EREG: variants seen among roughly 807,000 people sequenced by gnomAD.
The protein encoded by EREG is epiregulin, also known as proepiregulin.
In EREG, 23 loss-of-function variants were observed where a neutral mutation model predicts 22.4. The ratio of observed to expected loss-of-function variants is 1.03; its 90% CI spans 0.74 to 1.46. The LOEUF is 1.46. EREG is among the 40% of genes most tolerant of loss of function. EREG has a pLI of 0.00. For synonymous variants in EREG, 100 were observed against 75.4 expected (o/e 1.33, Z -1.69); for missense variants, 226 against 205.9 (o/e 1.10, Z -0.60).
chr4:74,377,952 C>G (rs190175329), intron 1 of EREG, among the ~76,000 whole-genome samples: 52 of 152,220 alleles, frequency 3.4e-4, no homozygotes, highest in African/African-American at 1.3e-3. Context: ...GGACACAGAG[C>G]CAAACTATAT....
At position 74,377,158 on chromosome 4, in the gene EREG, GAA is replaced by G. The variant is rs57339854; in HGVS notation, c.68-2274_68-2273del. 8.8e-3 allele frequency among the ~76,000 whole-genome samples: 684 copies of G among 78,128 alleles called. 3 individuals carry two copies. The highest frequency in any genetic ancestry group is 0.021 in the African/African-American group (556 of 26,650). 51.3% of individuals were successfully genotyped at this position (78,128 alleles called of 152,430 possible). A position where few individuals can be genotyped will look rare whatever the true frequency, so the allele number is the denominator to read the frequency against. On this transcript the variant is annotated intron_variant, in intron 1 of 4. Coordinates refer to ENST00000244869, the MANE Select transcript of EREG (RefSeq NM_001432.3). Reference sequence around the variant, plus strand: ...TTTATGGGCTGTGACAGCCATTTCAGAAAAAAAAAAAAAAAAACATTAGTTTA... The same window carrying G: ...TTTATGGGCTGTGACAGCCATTTCAGAAAAAAAAAAAAAAACATTAGTTTA...
chr4:74,374,584 A>G (rs1419973817), intron 1 of EREG, among the ~76,000 whole-genome samples: 3 of 152,210 alleles, frequency 2.0e-5, no homozygotes, highest in Admixed American at 6.5e-5. Context: ...AATAAACCGT[A>G]TGCAATAGGA....
At chr4:74,382,844 A>C in intron 4 of EREG, 50 bp downstream of exon 4, 1 of 1,375,198 alleles carries the variant, frequency 7.3e-7, no homozygotes, top group Non-Finnish European at 1.0e-6. Flanking sequence ...CTTTTACATA[A>C]TGCAGACCTA....
chr4:74,378,447 A>C (rs1446554314), intron 1 of EREG, among the ~76,000 whole-genome samples: 1 of 152,162 alleles, frequency 6.6e-6, no homozygotes, highest in Non-Finnish European at 1.5e-5. Context: ...GGTATTATTC[A>C]TTTCTTCAAA....
intron 2 of EREG, among the ~76,000 whole-genome samples, chr4:74,380,079 G>A (rs1439775600): frequency 6.6e-6 from 1 of 152,124 alleles, no homozygotes; most frequent in Non-Finnish European, 1.5e-5. Context: ...CTCGAGGACT[G>A]TGGACTCCAG....
rs564781976 is a variant in EREG at position 74,386,979 on chromosome 4, C to G, written c.*2171C>G. The stretch of plus-strand genomic sequence containing the variant: ...CTAATTTTTGTATTTTTAGTAGAGG[C>G]GGGGTTTCACCATGTTGGCCAGGAT... On this transcript the variant is annotated 3_prime_UTR_variant, in exon 5 of 5. Coordinates refer to ENST00000244869, the MANE Select transcript of EREG (RefSeq NM_001432.3). 1 of 151,976 alleles carries G rather than the reference C, an allele frequency of 6.6e-6. No homozygotes were observed. The highest frequency in any genetic ancestry group is 1.5e-5 in the Non-Finnish European group (1 of 68,072). The allele number at this position is 151,976 out of a possible 1,614,324, so 9.4% of individuals were successfully genotyped here. A position where few individuals can be genotyped will look rare whatever the true frequency, so the allele number is the denominator to read the frequency against.
At chr4:74,365,746 C>A (rs1278762579) in intron 1 of EREG, among the ~76,000 whole-genome samples, 1 of 149,276 alleles carries the variant, frequency 6.7e-6, no homozygotes, top group Admixed American at 6.7e-5. Flanking sequence ...TGTCTTGTTC[C>A]TTTTTGTTGG....
chr4:74,377,709 C>G (rs1162955384), intron 1 of EREG, among the ~76,000 whole-genome samples: 1 of 152,172 alleles, frequency 6.6e-6, no homozygotes, highest in Non-Finnish European at 1.5e-5. Flanking sequence ...TGGCCGAAGG[C>G]GAAGGGGAAG....
At chr4:74,380,420 T>G (rs1000176130) in intron 2 of EREG, among the ~76,000 whole-genome samples, 1 of 152,236 alleles carries the variant, frequency 6.6e-6, no homozygotes, top group Non-Finnish European at 1.5e-5. Context: ...ATTGCTGTTA[T>G]TTGTCTACCA....
At chr4:74,368,136 A>C (rs1752222390) in intron 1 of EREG, among the ~76,000 whole-genome samples, 1 of 152,182 alleles carries the variant, frequency 6.6e-6, no homozygotes, top group Non-Finnish European at 1.5e-5. Flanking sequence ...ATTCTAATAG[A>C]GAAGTTCCAG....
At chr4:74,379,335 G>T in intron 1 of EREG, 113 bp from the exon 2 acceptor site, 1 of 650,508 alleles carries the variant, frequency 1.5e-6, no homozygotes, top group Non-Finnish European at 2.8e-6. Context: ...GGTTTTGATG[G>T]ACCAAATCTG....
At chr4:74,366,704 T>A (rs1578815074) in intron 1 of EREG, among the ~76,000 whole-genome samples, 1 of 152,182 alleles carries the variant, frequency 6.6e-6, no homozygotes, top group Admixed American at 6.5e-5. Context: ...ATATTCTAAT[T>A]TGAGACAGCC....
rs751359339 is a variant in EREG at position 74,365,333 on chromosome 4, A to G, written c.25A>G (p.Met9Val). Reference protein sequence around the residue: MTAGRRMEMLCAGRVPALL... With the variant: MTAGRRMEVLCAGRVPALL... Reference sequence around the variant, plus strand: ...GATGACCGCGGGGAGGAGGATGGAGATGCTCTGTGCCGGCAGGGTCCCTGC... The same window carrying G: ...GATGACCGCGGGGAGGAGGATGGAGGTGCTCTGTGCCGGCAGGGTCCCTGC... The change falls in exon 1 of 5, where the codon ATG (methionine) becomes GTG (valine). Residue 9 changes from methionine to valine, a missense_variant. Met to Val is a conservative substitution (Grantham distance 21). Transcript: ENST00000244869. The G allele has an allele frequency of 3.7e-6, 6 of 1,608,532 alleles. No homozygotes were observed. The Admixed American group carries it at 5.0e-5, about 13-fold the overall frequency.
Position 74,379,554 on chromosome 4 carries a change from T to C in EREG, c.154+20T>C, listed in dbSNP as rs1752440169. ...CTTTAGGTAAGCCCAAGTTTGTCAA[T>C]GTGGCATCAAGAGACTACATATTTT... On this transcript the variant is annotated intron_variant, in intron 2 of 4. Coordinates refer to ENST00000244869, the MANE Select transcript of EREG (RefSeq NM_001432.3). The C allele has an allele frequency of 7.1e-7, 1 of 1,409,708 alleles. No homozygotes were observed. The highest frequency in any genetic ancestry group is 1.0e-6 in the Non-Finnish European group (1 of 994,612). The allele number at this position is 1,409,708 out of a possible 1,614,324, so 87.3% of individuals were successfully genotyped here.
intron 1 of EREG, among the ~76,000 whole-genome samples, chr4:74,371,730 T>C (rs762165134): frequency 2.0e-5 from 3 of 152,174 alleles, no homozygotes; most frequent in Non-Finnish European, 4.4e-5. Flanking sequence ...AAAATATAAA[T>C]AGGTAATACC....
At chr4:74,382,879 A>ATT in intron 4 of EREG, 85 bp downstream of exon 4, 4 of 968,510 alleles carry the variant, frequency 4.1e-6, no homozygotes, top group East Asian at 2.4e-5. Flanking sequence ...ATATGGATAA[A>ATT]GTATTAGAGA....
intron 4 of EREG, among the ~76,000 whole-genome samples, chr4:74,383,284 G>T (rs938319692): frequency 6.6e-6 from 1 of 152,098 alleles, no homozygotes; most frequent in Non-Finnish European, 1.5e-5. Context: ...AGGTGCTACT[G>T]TTATAGTTAA....
In EREG at chr4:74,365,208, G is replaced by T; in HGVS notation, c.-101G>T. On this transcript the variant is annotated 5_prime_UTR_variant, in exon 1 of 5. Coordinates refer to ENST00000244869, the MANE Select transcript of EREG (RefSeq NM_001432.3). Reference sequence around the variant, plus strand: ...ACGTGGGGTCCCTTCTAGGCTGACAGCCGCTCTCCAGCCACTGCCGCGAGC... The same window carrying T: ...ACGTGGGGTCCCTTCTAGGCTGACATCCGCTCTCCAGCCACTGCCGCGAGC... 1 of 888,116 alleles carries T rather than the reference G, an allele frequency of 1.1e-6. No individual in the cohort carries two copies. Among genetic ancestry groups the T allele is most frequent in the Non-Finnish European group, 1.8e-6 (1 of 555,938 alleles). 55.0% of individuals were successfully genotyped at this position (888,116 alleles called of 1,614,324 possible). A position where few individuals can be genotyped will look rare whatever the true frequency, so the allele number is the denominator to read the frequency against.
At chr4:74,377,670 T>G (rs1230296666) in intron 1 of EREG, among the ~76,000 whole-genome samples, 1 of 152,210 alleles carries the variant, frequency 6.6e-6, no homozygotes, top group East Asian at 1.9e-4. Flanking sequence ...CAGTTCTATA[T>G]GGCTGGGGAA....
Sources: allele counts gnomAD v4.1 joint callset (sites outside exome capture counted in the v4.1 genomes callset), GRCh38; gene constraint gnomAD v4.1.1; transcripts MANE v1.5; gene names NCBI Gene and HGNC (gene_info 2026-07-23, HGNC 2026-07-21).